The following NAV3 variants were observed in gnomAD, a reference collection of about 807,000 sequenced individuals.
NAV3 encodes pore membrane and/or filament interacting like protein 1.
Under a neutral mutation model 244.7 loss-of-function variants are expected in NAV3, and 87 were observed. The ratio of observed to expected loss-of-function variants is 0.36; its 90% CI spans 0.30 to 0.42. The LOEUF is 0.42. NAV3 is among the 20% of genes least tolerant of loss of function. NAV3 has a pLI of 1.00. For synonymous variants in NAV3, 1,126 were observed against 1,042.2 expected (o/e 1.08, Z -1.55); for missense variants, 2,663 against 2,893.3 (o/e 0.92, Z 1.83).
At chr12:77,732,889 T>C (rs780077593) in intron 2 of NAV3, among the ~76,000 whole-genome samples, 2 of 152,090 alleles carry the variant, frequency 1.3e-5, no homozygotes, top group East Asian at 3.9e-4. Context: ...GGCTGGAGCA[T>C]AGATGTATGA....
chr12:77,656,069 C>T (rs1391973270), intron 2 of NAV3, among the ~76,000 whole-genome samples: 1 of 151,338 alleles, frequency 6.6e-6, no homozygotes, highest in Non-Finnish European at 1.5e-5. Flanking sequence ...GAATAACCAG[C>T]TTACATCATA....
At chr12:77,753,680 A>G (rs1868979005) in intron 2 of NAV3, among the ~76,000 whole-genome samples, 1 of 152,198 alleles carries the variant, frequency 6.6e-6, no homozygotes, top group Non-Finnish European at 1.5e-5. Flanking sequence ...AGGGAAGCCC[A>G]TCACTATTGT....
rs972137186 is a variant in NAV3 at position 78,117,561 on chromosome 12, C to G, written c.2770-466C>G. On this transcript the variant is annotated intron_variant, in intron 13 of 39. Transcript: ENST00000397909. The stretch of plus-strand genomic sequence containing the variant: ...TAATATATATTCAATTGATTACAAT[C>G]TAATTCAGAAAGATTTATGTTGCCA... 4.0e-5 allele frequency among the ~76,000 whole-genome samples: 6 copies of G among 149,694 alleles called. No homozygotes were observed. The Admixed American group carries it at 4.0e-4, about 10-fold the overall frequency.
chr12:77,909,916 G>C (rs1451454388), intron 1 of NAV3, among the ~76,000 whole-genome samples: 1 of 152,020 alleles, frequency 6.6e-6, no homozygotes, highest in Non-Finnish European at 1.5e-5. Flanking sequence ...AGAGAACTAA[G>C]ATATGTCATT....
chr12:78,085,407 G>A (rs1057259935), intron 12 of NAV3, among the ~76,000 whole-genome samples: 1 of 152,110 alleles, frequency 6.6e-6, no homozygotes, highest in Non-Finnish European at 1.5e-5. Flanking sequence ...TTCCATGTAT[G>A]TTCATATTCC....
intron 2 of NAV3, among the ~76,000 whole-genome samples, chr12:77,654,208 AG>A (rs1262397521): frequency 7.0e-6 from 1 of 142,754 alleles, no homozygotes; most frequent in Admixed American, 7.0e-5. Context: ...AGTCAAAGAA[AG>A]GGGTGACAGA....
At chr12:78,088,357 A>C (rs1189989467) in intron 12 of NAV3, among the ~76,000 whole-genome samples, 2 of 152,100 alleles carry the variant, frequency 1.3e-5, no homozygotes, top group Admixed American at 1.3e-4. Flanking sequence ...ACAAAGAATT[A>C]GACACTATTA....
At chr12:78,123,548 C>A (rs953894429) in intron 16 of NAV3, among the ~76,000 whole-genome samples, 1 of 152,034 alleles carries the variant, frequency 6.6e-6, no homozygotes, top group Non-Finnish European at 1.5e-5. Context: ...AAAACAAAAC[C>A]CAGAGCAAAA....
intron 23 of NAV3, among the ~76,000 whole-genome samples, chr12:78,168,454 G>C (rs1185568727): frequency 6.6e-6 from 1 of 151,750 alleles, no homozygotes; most frequent in African/African-American, 2.4e-5. Context: ...TGAGTGGTGT[G>C]ATATCCTGCT....
intron 1 of NAV3, among the ~76,000 whole-genome samples, chr12:77,850,656 CT>C (rs1417441782): frequency 6.6e-6 from 1 of 151,986 alleles, no homozygotes; most frequent in African/African-American, 2.4e-5. Context: ...TTTTCAGCAC[CT>C]TTTTTTCCTT....
At chr12:78,110,699 T>TGC (rs1401809924) in intron 12 of NAV3, among the ~76,000 whole-genome samples, 3 of 151,844 alleles carry the variant, frequency 2.0e-5, no homozygotes, top group African/African-American at 7.3e-5. Flanking sequence ...ATATAGTGTG[T>TGC]GTGTGTGTAT....
At chr12:78,157,373 G>A (rs1367052091) in intron 22 of NAV3, among the ~76,000 whole-genome samples, 1 of 150,214 alleles carries the variant, frequency 6.7e-6, no homozygotes, top group Admixed American at 6.7e-5. Flanking sequence ...AACAGGGTGA[G>A]GCACTGTCTC....
chr12:78,183,667 C>A (rs1958592544), intron 30 of NAV3, among the ~76,000 whole-genome samples: 1 of 151,804 alleles, frequency 6.6e-6, no homozygotes, highest in Non-Finnish European at 1.5e-5. Flanking sequence ...CTACTGTTGT[C>A]AGGAGAAATT....
intron 8 of NAV3, 50 bp downstream of exon 8, chr12:78,007,495 C>T: frequency 2.6e-6 from 4 of 1,547,942 alleles, no homozygotes; most frequent in Non-Finnish European, 3.5e-6. Context: ...TACAGGCCTA[C>T]ATACTCAGAG....
chr12:77,869,674 A>G (rs1395863296), intron 1 of NAV3, among the ~76,000 whole-genome samples: 3 of 152,118 alleles, frequency 2.0e-5, no homozygotes, highest in Non-Finnish European at 2.9e-5. Flanking sequence ...CCCCAATTCT[A>G]GATCCGTTTC....
rs768773187 is a variant in NAV3, at chr12:77,998,487, G to A, written c.880+11G>A. 6.3e-7 allele frequency: 1 copy of A among 1,593,156 alleles called. No individual in the cohort carries two copies. Among genetic ancestry groups the A allele is most frequent in the Middle Eastern group, 1.7e-4 (1 of 5,862 alleles). ...ATGGAAACGAAAAAGGTAAGTGTTT[G>A]TTACATCATTATGACACAAGTCCAA... On this transcript the variant is annotated intron_variant, in intron 7 of 39. Transcript: ENST00000397909.
intron 24 of NAV3, among the ~76,000 whole-genome samples, chr12:78,172,066 A>C (rs938892366): frequency 1.7e-4 from 26 of 151,672 alleles, no homozygotes; most frequent in African/African-American, 5.6e-4. Flanking sequence ...CCCTGTGGTC[A>C]TGGAGCTCAC....
At chr12:77,748,046 TAAAAA>T (rs561371327) in intron 2 of NAV3, among the ~76,000 whole-genome samples, 1 of 151,860 alleles carries the variant, frequency 6.6e-6, no homozygotes, top group Non-Finnish European at 1.5e-5. Context: ...AAAATAAAAA[TAAAAA>T]AAATTGATTT....
intron 2 of NAV3, among the ~76,000 whole-genome samples, chr12:77,797,025 C>A (rs1871441587): frequency 6.6e-6 from 1 of 152,104 alleles, no homozygotes; most frequent in Non-Finnish European, 1.5e-5. Flanking sequence ...TGGATTTGAG[C>A]AGTGTCTTGC....
Sources: allele counts gnomAD v4.1 joint callset (sites outside exome capture counted in the v4.1 genomes callset), GRCh38; gene constraint gnomAD v4.1.1; transcripts MANE v1.5; gene names NCBI Gene and HGNC (gene_info 2026-07-23, HGNC 2026-07-21).